ZNF385B: variants seen among roughly 807,000 people sequenced by gnomAD.
The protein encoded by ZNF385B is zinc finger protein 385B, also known as zinc finger protein 533.
ZNF385B carries 23 observed loss-of-function variants against 39.2 expected under a neutral mutation model. That is an observed-to-expected ratio of 0.59 (90% CI 0.42 to 0.83). ZNF385B has a LOEUF of 0.83. Among genes scored for constraint, ZNF385B ranks in the 40% least tolerant of loss-of-function variants. ZNF385B has a pLI of 0.00. For synonymous variants in ZNF385B, 205 were observed against 222.6 expected (o/e 0.92, Z 0.70); for missense variants, 552 against 598.9 (o/e 0.92, Z 0.82).
chr2:179,798,397 C>A (rs1705815238), intron 1 of ZNF385B, among the ~76,000 whole-genome samples: 1 of 152,010 alleles, frequency 6.6e-6, no homozygotes, highest in Non-Finnish European at 1.5e-5. Context: ...GTTTGTAGGC[C>A]ATTTCAGTGG....
intron 1 of ZNF385B, among the ~76,000 whole-genome samples, chr2:179,843,474 A>C (rs1203433588): frequency 1.3e-5 from 2 of 152,242 alleles, no homozygotes; most frequent in Non-Finnish European, 2.9e-5. Context: ...TAGAAGCATT[A>C]CTACACAAGA....
intron 3 of ZNF385B, among the ~76,000 whole-genome samples, chr2:179,581,255 C>CT (rs1326951079): frequency 2.0e-5 from 3 of 152,102 alleles, no homozygotes; most frequent in Non-Finnish European, 4.4e-5. Context: ...TGTATCTTTC[C>CT]TTTTTTACCA....
intron 4 of ZNF385B, among the ~76,000 whole-genome samples, chr2:179,525,931 A>T (rs1425454110): frequency 6.6e-6 from 1 of 152,192 alleles, no homozygotes; most frequent in African/African-American, 2.4e-5. Flanking sequence ...TGAAAACTTC[A>T]ATAGAAAGAA....
chr2:179,653,004 C>T (rs1205905001), intron 3 of ZNF385B, among the ~76,000 whole-genome samples: 3 of 152,096 alleles, frequency 2.0e-5, no homozygotes, highest in Non-Finnish European at 4.4e-5. Flanking sequence ...TGGGGCCTTC[C>T]TAACATTGTA....
At chr2:179,795,911 A>T (rs909314415) in intron 1 of ZNF385B, among the ~76,000 whole-genome samples, 4 of 152,202 alleles carry the variant, frequency 2.6e-5, no homozygotes, top group Admixed American at 2.0e-4. Flanking sequence ...AAGTATCTCC[A>T]GTCATAAAGG....
At chr2:179,527,043 T>A (rs1449935908) in intron 4 of ZNF385B, among the ~76,000 whole-genome samples, 2 of 152,204 alleles carry the variant, frequency 1.3e-5, no homozygotes, top group Non-Finnish European at 2.9e-5. Context: ...TTACATTACA[T>A]CTAAGTCCTG....
chr2:179,514,893 C>G (rs1043541771), intron 5 of ZNF385B, among the ~76,000 whole-genome samples: 1 of 151,598 alleles, frequency 6.6e-6, no homozygotes, highest in East Asian at 2.0e-4. Context: ...ATTCTCCTGC[C>G]TCAGCCTCCC....
intron 3 of ZNF385B, among the ~76,000 whole-genome samples, chr2:179,692,433 C>T (rs1698426759): frequency 6.6e-6 from 1 of 152,168 alleles, no homozygotes; most frequent in Non-Finnish European, 1.5e-5. Context: ...TTAAAACTAG[C>T]TGTTCATTAC....
At chr2:179,529,845 C>T (rs1261802861) in intron 4 of ZNF385B, among the ~76,000 whole-genome samples, 10 of 152,038 alleles carry the variant, frequency 6.6e-5, no homozygotes, top group South Asian at 6.2e-4. Flanking sequence ...ATGAACAAAA[C>T]TGGTTATAGT....
At chr2:179,597,899 C>T (rs1688121019) in intron 3 of ZNF385B, among the ~76,000 whole-genome samples, 1 of 152,104 alleles carries the variant, frequency 6.6e-6, no homozygotes, top group Non-Finnish European at 1.5e-5. Context: ...ATTAATTCAA[C>T]TTTCACAATG....
At position 179,815,429 on chromosome 2, in the gene ZNF385B, A is replaced by C. The variant is rs7355323; in HGVS notation, c.-154-44757T>G. Among the ~76,000 whole-genome samples, 402 of 152,330 alleles carry C rather than the reference A, an allele frequency of 2.6e-3. 3 individuals are homozygous for C. Among genetic ancestry groups the C allele is most frequent in the African/African-American group, 9.5e-3 (397 of 41,574 alleles). ...TGAGACTGAAATAGAACTTGAGAAGAATGATAAAGATTATGGAAACTGAAT... is the reference window on the plus strand; with the variant it reads ...TGAGACTGAAATAGAACTTGAGAAGCATGATAAAGATTATGGAAACTGAAT... On this transcript the variant is annotated intron_variant, in intron 1 of 9. Coordinates refer to ENST00000410066, the MANE Select transcript of ZNF385B (RefSeq NM_152520.6).
At chr2:179,541,441 T>C (rs1314738393) in intron 4 of ZNF385B, among the ~76,000 whole-genome samples, 4 of 152,188 alleles carry the variant, frequency 2.6e-5, no homozygotes, top group Admixed American at 2.6e-4. Flanking sequence ...CATTATGTTT[T>C]TAAAAATCTA....
chr2:179,778,687 T>C (rs1267905410), intron 1 of ZNF385B, among the ~76,000 whole-genome samples: 2 of 152,212 alleles, frequency 1.3e-5, no homozygotes, highest in Admixed American at 6.5e-5. Context: ...ATAATTTCCA[T>C]GTAGTCCATC....
At chr2:179,754,722 G>C (rs1292665252) in intron 3 of ZNF385B, among the ~76,000 whole-genome samples, 2 of 152,130 alleles carry the variant, frequency 1.3e-5, no homozygotes, top group Non-Finnish European at 2.9e-5. Context: ...TTTGCATACA[G>C]GTGTTTATAG....
chr2:179,581,762 G>A (rs927579758), intron 3 of ZNF385B, among the ~76,000 whole-genome samples: 1 of 152,158 alleles, frequency 6.6e-6, no homozygotes, highest in Non-Finnish European at 1.5e-5. Context: ...CTGGCCAATG[G>A]GATATGAGTA....
chr2:179,646,200 A>G (rs1692700946), intron 3 of ZNF385B, among the ~76,000 whole-genome samples: 1 of 152,178 alleles, frequency 6.6e-6, no homozygotes, highest in African/African-American at 2.4e-5. Context: ...AGATCACCTG[A>G]GGTCAGTAGT....
intron 1 of ZNF385B, among the ~76,000 whole-genome samples, chr2:179,815,451 GA>G (rs1707004297): frequency 6.6e-6 from 1 of 151,988 alleles, no homozygotes; most frequent in Non-Finnish European, 1.5e-5. Context: ...TATGGAAACT[GA>G]ATGGGAGCAG....
At chr2:179,860,392 T>TC (rs1684947242) in intron 1 of ZNF385B, among the ~76,000 whole-genome samples, 1 of 152,070 alleles carries the variant, frequency 6.6e-6, no homozygotes, top group Admixed American at 6.5e-5. Context: ...CTGCCAGCTC[T>TC]CCCTTCTCCC....
intron 3 of ZNF385B, among the ~76,000 whole-genome samples, chr2:179,644,109 T>C (rs971102275): frequency 7.9e-5 from 12 of 152,030 alleles, no homozygotes; most frequent in Admixed American, 6.6e-5. Context: ...AAAAAGAATA[T>C]GGAATCTGAA....
Sources: allele counts gnomAD v4.1 joint callset (sites outside exome capture counted in the v4.1 genomes callset), GRCh38; gene constraint gnomAD v4.1.1; transcripts MANE v1.5; gene names NCBI Gene and HGNC (gene_info 2026-07-23, HGNC 2026-07-21).